The following INCENP variants were observed in gnomAD, a reference collection of about 807,000 sequenced individuals.
INCENP encodes the protein inner centromere protein.
INCENP carries 43 observed loss-of-function variants against 107.3 expected under a neutral mutation model. That is an observed-to-expected ratio of 0.40 (90% CI 0.31 to 0.52). INCENP has a LOEUF of 0.52. INCENP is among the 20% of genes least tolerant of loss of function. The pLI, the probability that INCENP is intolerant of heterozygous loss-of-function variation, is 0.53. For missense variants in INCENP, 1,089 were observed against 1,250.9 expected (o/e 0.87, Z 1.95); for synonymous variants, 488 against 494.4 (o/e 0.99, Z 0.17).
In INCENP at chr11:62,134,682, C is replaced by A. The variant is rs1282693529; in HGVS notation, c.1064-3150C>A. 2.0e-5 allele frequency among the ~76,000 whole-genome samples: 3 copies of A among 152,158 alleles called. No individual in the cohort carries two copies. In the East Asian group the frequency reaches 5.8e-4, roughly 29 times the overall value. On this transcript the variant is annotated intron_variant, in intron 4 of 18. Coordinates refer to ENST00000394818, the MANE Select transcript of INCENP (RefSeq NM_001040694.2). ...TGGCATTATTCTACATTTTGCAAAT[C>A]TCTTTATTGTATGACTTTAAATAAG... is the stretch of plus-strand genomic sequence containing the variant.
chr11:62,136,490 G>A (rs957096662), intron 4 of INCENP, among the ~76,000 whole-genome samples: 5 of 152,060 alleles, frequency 3.3e-5, no homozygotes, highest in Admixed American at 6.5e-5. Context: ...GACCAGCCTG[G>A]CCAACATAGC....
At position 62,152,220 on chromosome 11, in the gene INCENP, G is replaced by A; in HGVS notation, c.*244G>A. 3.6e-6 allele frequency: 2 copies of A among 560,630 alleles called. No individual in the cohort carries two copies. Among genetic ancestry groups the A allele is most frequent in the Non-Finnish European group, 3.2e-6 (1 of 314,322 alleles). The allele number at this position is 560,630 out of a possible 1,614,324, so 34.7% of individuals were successfully genotyped here. A position where few individuals can be genotyped will look rare whatever the true frequency, so the allele number is the denominator to read the frequency against. On this transcript the variant is annotated 3_prime_UTR_variant, in exon 19 of 19. Transcript: ENST00000394818. The stretch of plus-strand genomic sequence containing the variant: ...AAATGGGCCCAGCCCCACATGGCCT[G>A]CAGACAGTGCTCTGTAAATAGTTGT...
At chr11:62,131,896 C>G (rs1203596198) in intron 4 of INCENP, among the ~76,000 whole-genome samples, 2 of 152,096 alleles carry the variant, frequency 1.3e-5, no homozygotes, top group Admixed American at 1.3e-4. Context: ...ATTCTCCTGC[C>G]TCAGTCTCCC....
intron 11 of INCENP, 165 bp downstream of exon 11, chr11:62,141,676 GC>G: frequency 1.1e-6 from 1 of 912,030 alleles, no homozygotes; most frequent in Non-Finnish European, 1.8e-6. Context: ...GGCTGGAGGC[GC>G]CCAGCAGTTC....
chr11:62,136,160 T>C (rs778839744), intron 4 of INCENP, among the ~76,000 whole-genome samples: 2 of 152,234 alleles, frequency 1.3e-5, no homozygotes, highest in Non-Finnish European at 2.9e-5. Context: ...ATTCACTTCA[T>C]TGACTTGTGA....
In INCENP at chr11:62,146,677, A is replaced by G; in HGVS notation, c.1979A>G (p.His660Arg). ...WLQQEEEERR[H>R]QELLQKKKEE... ...TTTCAGGAGGAGGAAGAGCGGCGGCACCAAGAGCTGCTGCAGAAGAAGAAG... is the reference window on the plus strand; with the variant it reads ...TTTCAGGAGGAGGAAGAGCGGCGGCGCCAAGAGCTGCTGCAGAAGAAGAAG... The change falls in exon 15 of 19, where the codon CAC becomes CGC. Residue 660 changes from histidine (H) to arginine (R), a missense_variant. Transcript: ENST00000394818. 1.3e-6 allele frequency: 2 copies of G among 1,550,690 alleles called. No homozygotes were observed. The highest frequency in any genetic ancestry group is 2.4e-5 in the South Asian group (2 of 84,038).
At chr11:62,149,961 G>A in intron 17 of INCENP, 96 bp from the exon 18 acceptor site, 1 of 1,207,562 alleles carries the variant, frequency 8.3e-7, no homozygotes, top group Non-Finnish European at 1.2e-6. Flanking sequence ...TGTTTCTCCT[G>A]TGAAATAGGA....
chr11:62,127,528 AGGCCCCTTGAGGGCATATCTCTGG>A (rs1943778880), intron 1 of INCENP, among the ~76,000 whole-genome samples: 1 of 152,180 alleles, frequency 6.6e-6, no homozygotes, highest in South Asian at 2.1e-4. Flanking sequence ...GGGTTGTGGG[AGGCCCCTTGAGGGCATATCTCTGG>A]ATCACTACTT....
chr11:62,138,572 G>A, intron 5 of INCENP, 141 bp from the exon 6 acceptor site: 1 of 661,138 alleles, frequency 1.5e-6, no homozygotes, highest in Non-Finnish European at 2.6e-6. Context: ...TATCCTACAG[G>A]GGGCTGTGGG....
In INCENP at chr11:62,128,154, GA is replaced by G; in HGVS notation, c.-7del. The stretch of plus-strand genomic sequence containing the variant: ...CTCTTGTCCCTGCCTTCACCAGACA[GA>G]GCCACCATGGGGACGACGGCCCCAG... On this transcript the variant is annotated 5_prime_UTR_variant, in exon 2 of 19. Transcript: ENST00000394818. 1 of 1,614,058 alleles carries G rather than the reference GA, an allele frequency of 6.2e-7. No homozygotes were observed. Among genetic ancestry groups the G allele is most frequent in the South Asian group, 1.1e-5 (1 of 91,080 alleles).
At chr11:62,136,357 GA>G (rs1391088184) in intron 4 of INCENP, among the ~76,000 whole-genome samples, 1 of 152,168 alleles carries the variant, frequency 6.6e-6, no homozygotes, top group Non-Finnish European at 1.5e-5. Context: ...CAGAAGAGTA[GA>G]ATGGCATGTA....
At chr11:62,151,623 C>A in intron 18 of INCENP, 139 bp from the exon 19 acceptor site, 2 of 660,198 alleles carry the variant, frequency 3.0e-6, no homozygotes, top group South Asian at 3.7e-5. Flanking sequence ...GATGGTGGTA[C>A]AGGCAGGGGC....
intron 4 of INCENP, among the ~76,000 whole-genome samples, chr11:62,133,311 G>A (rs551231257): frequency 6.6e-6 from 1 of 152,192 alleles, no homozygotes; most frequent in African/African-American, 2.4e-5. Flanking sequence ...GGAAAAATGA[G>A]ATAGGAAAAA....
chr11:62,141,452 T>C (rs751499319), intron 10 of INCENP, 48 bp from the exon 11 acceptor site: 1 of 1,613,498 alleles, frequency 6.2e-7, no homozygotes, highest in Non-Finnish European at 8.5e-7. Context: ...GGCAGGATGC[T>C]CCCCGGCCTG....
rs776172173 is a variant in INCENP, at chr11:62,151,799, C to A, written c.2580C>A (p.Tyr860Ter). The A allele has an allele frequency of 6.2e-7, 1 of 1,614,162 alleles. No homozygotes were observed. Among genetic ancestry groups the A allele is most frequent in the Admixed American group, 1.7e-5 (1 of 60,028 alleles). ...GCCAGGCTATCATTCACCAGTACTACCACCCACCGAACCTTCTGGAGCTCT... is the reference window on the plus strand; with the variant it reads ...GCCAGGCTATCATTCACCAGTACTAACACCCACCGAACCTTCTGGAGCTCT... ...PLSQAIIHQYYHPPNLLELFG... is the reference protein window; with the variant it reads ...PLSQAIIHQY The change falls in exon 19 of 19, where the codon TAC (tyrosine) becomes TAA (stop). Residue 860 changes from tyrosine (Y) to a stop codon, truncating the protein, a stop_gained. Transcript: ENST00000394818. LOFTEE classifies it high-confidence loss of function.
rs999733441 is a variant in INCENP, at chr11:62,152,343, A to G, written c.*367A>G. 7.3e-5 allele frequency: 19 copies of G among 261,754 alleles called. No homozygotes were observed. The highest frequency in any genetic ancestry group is 1.3e-3 in the Middle Eastern group (1 of 780). 16.2% of individuals were successfully genotyped at this position (261,754 alleles called of 1,614,324 possible). ...TTCCTTCAAGCCTGCTGTTGATACC[A>G]TGAAGACTGGGCGCCTCAGTCCCAG... On this transcript the variant is annotated 3_prime_UTR_variant, in exon 19 of 19. Coordinates refer to ENST00000394818, the MANE Select transcript of INCENP (RefSeq NM_001040694.2).
At chr11:62,149,651 G>A (rs1944330655) in intron 17 of INCENP, among the ~76,000 whole-genome samples, 1 of 152,158 alleles carries the variant, frequency 6.6e-6, no homozygotes, top group Non-Finnish European at 1.5e-5. Context: ...GCCTGGTGCA[G>A]TGGTTCTCGC....
At chr11:62,126,331 G>T (rs902654476) in intron 1 of INCENP, among the ~76,000 whole-genome samples, 11 of 152,142 alleles carry the variant, frequency 7.2e-5, no homozygotes, top group Admixed American at 5.9e-4. Context: ...GAGTAGCTGG[G>T]ATTATAGGCG....
In INCENP at chr11:62,138,797, G is replaced by A. The variant is rs199640272; in HGVS notation, c.1173+27G>A. The A allele has an allele frequency of 2.4e-5, 39 of 1,612,632 alleles. No homozygotes were observed. The East Asian group carries it at 7.1e-4, about 29-fold the overall frequency. Reference sequence around the variant, plus strand: ...TAAGACGGCTGCCTGGGGAAGGGAGGACTCACCTCTGGGGCTCCCGCTCTG... The same window carrying A: ...TAAGACGGCTGCCTGGGGAAGGGAGAACTCACCTCTGGGGCTCCCGCTCTG... On this transcript the variant is annotated intron_variant, in intron 6 of 18. Coordinates refer to ENST00000394818, the MANE Select transcript of INCENP (RefSeq NM_001040694.2).
Sources: allele counts gnomAD v4.1 joint callset (sites outside exome capture counted in the v4.1 genomes callset), GRCh38; gene constraint gnomAD v4.1.1; transcripts MANE v1.5; gene names NCBI Gene and HGNC (gene_info 2026-07-23, HGNC 2026-07-21).